RALYL: variants seen among roughly 807,000 people sequenced by gnomAD.
The protein encoded by RALYL is RNA-binding Raly-like protein.
Under a neutral mutation model 35.1 loss-of-function variants are expected in RALYL, and 29 were observed. That is an observed-to-expected ratio of 0.83 (90% confidence interval 0.61 to 1.13). RALYL has a LOEUF of 1.13. Among genes scored for constraint, RALYL ranks in the 50% most tolerant of loss-of-function variants. The pLI, the probability that RALYL is intolerant of heterozygous loss-of-function variation, is 0.00. For missense variants in RALYL, 359 were observed against 360.4 expected (o/e 1.00, Z 0.03); for synonymous variants, 120 against 127.6 (o/e 0.94, Z 0.40).
At chr8:84,553,789 T>C (rs1445964092) in intron 2 of RALYL, among the ~76,000 whole-genome samples, 1 of 152,078 alleles carries the variant, frequency 6.6e-6, no homozygotes, top group Non-Finnish European at 1.5e-5. Context: ...TTTAAGAAAA[T>C]TAATGTATTT....
At chr8:84,878,074 C>T (rs998278919) in intron 7 of RALYL, among the ~76,000 whole-genome samples, 2 of 152,132 alleles carry the variant, frequency 1.3e-5, no homozygotes, top group Non-Finnish European at 2.9e-5. Flanking sequence ...GCTCAGAATT[C>T]AAGGCATCAT....
chr8:84,721,426 T>G (rs1002351887), intron 2 of RALYL, among the ~76,000 whole-genome samples: 9 of 152,158 alleles, frequency 5.9e-5, no homozygotes, highest in African/African-American at 2.2e-4. Context: ...GTGCAGCATA[T>G]GCACAATGTA....
intron 2 of RALYL, among the ~76,000 whole-genome samples, chr8:84,714,816 A>G (rs982721773): frequency 1.3e-5 from 2 of 151,972 alleles, no homozygotes; most frequent in South Asian, 2.1e-4. Flanking sequence ...AGGTGGGTAT[A>G]ATAAGCCATT....
chr8:84,539,833 CATAT>C (rs768941805), intron 2 of RALYL, among the ~76,000 whole-genome samples: 19 of 23,194 alleles, frequency 8.2e-4, no homozygotes, highest in Admixed American at 4.1e-3. Flanking sequence ...ATCAAGTATA[CATAT>C]ATATATATAT....
intron 2 of RALYL, among the ~76,000 whole-genome samples, chr8:84,700,651 A>C (rs750400722): frequency 2.0e-5 from 3 of 152,200 alleles, no homozygotes; most frequent in Non-Finnish European, 4.4e-5. Flanking sequence ...ACAATGATAA[A>C]TAAAGTAAAA....
chr8:84,496,716 T>G (rs1234307746), intron 1 of RALYL, among the ~76,000 whole-genome samples: 1 of 152,052 alleles, frequency 6.6e-6, no homozygotes, highest in Non-Finnish European at 1.5e-5. Context: ...TCATCAACTA[T>G]CTATCTATTA....
At chr8:84,661,640 T>A (rs563850848) in intron 2 of RALYL, among the ~76,000 whole-genome samples, 7 of 151,242 alleles carry the variant, frequency 4.6e-5, no homozygotes, top group Admixed American at 2.0e-4. Flanking sequence ...TTATTTATTT[T>A]TTTTATTATA....
At chr8:84,327,483 C>T (rs922525516) in intron 1 of RALYL, among the ~76,000 whole-genome samples, 1 of 152,104 alleles carries the variant, frequency 6.6e-6, no homozygotes, top group African/African-American at 2.4e-5. Flanking sequence ...GGACCAGCGT[C>T]TTGCAACCTA....
At chr8:84,260,548 C>T (rs1021469707) in intron 1 of RALYL, among the ~76,000 whole-genome samples, 1 of 152,152 alleles carries the variant, frequency 6.6e-6, no homozygotes, top group East Asian at 1.9e-4. Context: ...AGGAATGTCA[C>T]TTTAGTCACG....
At chr8:84,831,586 G>T (rs115820864) in intron 4 of RALYL, among the ~76,000 whole-genome samples, 2,148 of 152,228 alleles carry the variant, frequency 0.014, 51 homozygotes, top group African/African-American at 0.049. Flanking sequence ...TTATGGAAGG[G>T]TTAAAGTGAT....
intron 1 of RALYL, among the ~76,000 whole-genome samples, chr8:84,281,820 C>A (rs1368731947): frequency 2.0e-5 from 3 of 151,948 alleles, no homozygotes; most frequent in Non-Finnish European, 2.9e-5. Context: ...TATTTACACA[C>A]ACATACACAT....
At chr8:84,906,955 GCT>G in intron 8 of RALYL, 2 of 985,204 alleles carry the variant, frequency 2.0e-6, no homozygotes, top group Non-Finnish European at 2.4e-6. Flanking sequence ...AAAATCACAA[GCT>G]CCGGGGTTGC....
At chr8:84,854,197 T>G (rs1054436465) in intron 5 of RALYL, among the ~76,000 whole-genome samples, 1 of 151,792 alleles carries the variant, frequency 6.6e-6, no homozygotes, top group Non-Finnish European at 1.5e-5. Flanking sequence ...AATACAAAAA[T>G]TAGCCAGGTC....
chr8:84,209,279 C>A, intron 1 of RALYL, among the ~76,000 whole-genome samples: 1 of 152,202 alleles, frequency 6.6e-6, no homozygotes, highest in Middle Eastern at 3.4e-3. Context: ...TTGAACAAAA[C>A]ATAAGTGCTG....
intron 3 of RALYL, among the ~76,000 whole-genome samples, chr8:84,777,057 A>T (rs1313354175): frequency 1.3e-5 from 2 of 152,244 alleles, no homozygotes; most frequent in Non-Finnish European, 2.9e-5. Flanking sequence ...CCTTAATTTT[A>T]TGTGGACAAA....
At chr8:84,552,465 A>G (rs909646771) in intron 2 of RALYL, among the ~76,000 whole-genome samples, 5 of 145,174 alleles carry the variant, frequency 3.4e-5, no homozygotes, top group Non-Finnish European at 6.0e-5. Flanking sequence ...TCTGTCTCCA[A>G]TATGAACTCA....
chr8:84,247,096 T>A (rs557910164), intron 1 of RALYL, among the ~76,000 whole-genome samples: 17 of 152,126 alleles, frequency 1.1e-4, no homozygotes, highest in Non-Finnish European at 2.4e-4. Context: ...ATGGCGATTA[T>A]CCAAATCACG....
intron 1 of RALYL, among the ~76,000 whole-genome samples, chr8:84,381,246 G>A (rs1247082947): frequency 6.6e-6 from 1 of 151,762 alleles, no homozygotes; most frequent in Non-Finnish European, 1.5e-5. Context: ...TAAATTCTAC[G>A]ATTTTAAAGT....
intron 1 of RALYL, among the ~76,000 whole-genome samples, chr8:84,282,196 T>A (rs1056325983): frequency 2.0e-4 from 30 of 151,636 alleles, no homozygotes; most frequent in African/African-American, 7.0e-4. Context: ...TCTCTATCAC[T>A]ATAGGTATTA....
Sources: allele counts gnomAD v4.1 joint callset (sites outside exome capture counted in the v4.1 genomes callset), GRCh38; gene constraint gnomAD v4.1.1; transcripts MANE v1.5; gene names NCBI Gene and HGNC (gene_info 2026-07-23, HGNC 2026-07-21).